The following PLXNB2 variants were observed in gnomAD, a reference collection of about 807,000 sequenced individuals.
The protein encoded by PLXNB2 is plexin B2, also known as plexin-B2.
A neutral mutation model predicts 202.6 loss-of-function variants in PLXNB2; 85 were observed. That is an observed-to-expected ratio of 0.42 (90% CI 0.35 to 0.50). The LOEUF (loss-of-function observed/expected upper bound fraction) is 0.50, where lower values mean the gene tolerates loss of function less well. Ranked by LOEUF, PLXNB2 falls within the 20% of genes least tolerant of loss-of-function variation. PLXNB2 has a pLI of 0.02. For missense variants in PLXNB2, 2,063 were observed against 2,586.2 expected, an observed-to-expected ratio of 0.80 and a Z score of 4.39; for synonymous variants, 1,239 against 1,137.6, an observed-to-expected ratio of 1.09 and a Z score of -1.79.
At chr22:50,306,485 A>G (rs942064760) in intron 1 of PLXNB2, among the ~76,000 whole-genome samples, 3 of 152,148 alleles carry the variant, frequency 2.0e-5, no homozygotes, top group Admixed American at 1.3e-4. Context: ...GCAGGCTGAG[A>G]GCCCCCACTT....
chr22:50,276,053 TC>T (rs1206458196), intron 35 of PLXNB2, 90 bp from the exon 36 acceptor site: 11 of 1,273,758 alleles, frequency 8.6e-6, no homozygotes, highest in Non-Finnish European at 2.3e-6. Flanking sequence ...GGACGAGGCC[TC>T]CCCGGGGAAG....
chr22:50,282,729 G>A lies in PLXNB2; in HGVS notation c.2969C>T (p.Pro990Leu). The part of the protein sequence containing the change: ...RENPVLRAFE[P>L]LRSFASGGRS... Reference sequence around the variant, plus strand: ...GCCTCACCTGGCAAAGCTTCGTAGCGGCTCGAAGGCTCGCAGTACGGGGTT... The same window carrying A: ...GCCTCACCTGGCAAAGCTTCGTAGCAGCTCGAAGGCTCGCAGTACGGGGTT... Residue 990 changes from proline (P) to leucine (L), a missense_variant, in exon 18 of 37, where the codon CCG becomes CTG. Transcript: ENST00000359337. The A allele has an allele frequency of 4.5e-6, 7 of 1,549,568 alleles. No homozygotes were observed. The highest frequency in any genetic ancestry group is 1.2e-5 in the South Asian group (1 of 86,912).
Position 50,276,712 on chromosome 22 carries a change from G to T in PLXNB2, c.5262-8C>A. On this transcript the variant is annotated splice_polypyrimidine_tract_variant and splice_region_variant and intron_variant, in intron 34 of 36. Transcript: ENST00000359337. ...CGGATCCCCTTGTAGTAACTGCAGGGGTGGGAGCATCATACAGTGTGGGCG... is the reference window on the plus strand; with the variant it reads ...CGGATCCCCTTGTAGTAACTGCAGGTGTGGGAGCATCATACAGTGTGGGCG... 1 of 1,613,156 alleles carries T rather than the reference G, an allele frequency of 6.2e-7. No homozygotes were observed. The highest frequency in any genetic ancestry group is 8.5e-7 in the Non-Finnish European group (1 of 1,179,306).
At chr22:50,303,300 C>T (rs1366901827) in intron 1 of PLXNB2, among the ~76,000 whole-genome samples, 1 of 152,216 alleles carries the variant, frequency 6.6e-6, no homozygotes, top group Non-Finnish European at 1.5e-5. Flanking sequence ...GAAACTGCCT[C>T]GGCCTTCAGC....
intron 27 of PLXNB2, 56 bp from the exon 28 acceptor site, chr22:50,279,067 T>C (rs529572673): frequency 2.6e-6 from 4 of 1,512,094 alleles, no homozygotes; most frequent in East Asian, 2.3e-5. Flanking sequence ...ACCTGCACCA[T>C]GCAGGAGCCA....
rs534787648 is a variant in PLXNB2 at position 50,280,551 on chromosome 22, C to T, written c.4113G>A (p.Thr1371=). 144 of 1,612,070 alleles carry T rather than the reference C, an allele frequency of 8.9e-5. 1 individual carries two copies. The South Asian group carries it at 1.4e-3, about 16-fold the overall frequency. ...KLEYYTDIMH[T]LFLELLEQYV... is the part of the protein sequence containing the mutation. Reference sequence around the variant, plus strand: ...ACTGCTCCAGGAGCTCCAGGAAGAGCGTGTGCATGATGTCCGTGTAGTACT... The same window carrying T: ...ACTGCTCCAGGAGCTCCAGGAAGAGTGTGTGCATGATGTCCGTGTAGTACT... The change falls in exon 25 of 37, where the codon ACG becomes ACA. Residue 1371 remains threonine (T), a synonymous_variant. Transcript: ENST00000359337.
At chr22:50,279,587 C>T in intron 27 of PLXNB2, 43 bp downstream of exon 27, 2 of 1,601,414 alleles carry the variant, frequency 1.2e-6, no homozygotes, top group South Asian at 2.2e-5. Flanking sequence ...CTCCTTAGCC[C>T]AGATCCGAGG....
chr22:50,276,762 G>A, intron 34 of PLXNB2, 58 bp from the exon 35 acceptor site: 1 of 1,599,838 alleles, frequency 6.3e-7, no homozygotes, highest in South Asian at 1.1e-5. Context: ...GGGGGTGGTG[G>A]GGGAAACCAA....
intron 35 of PLXNB2, among the ~76,000 whole-genome samples, chr22:50,276,249 G>A (rs914551572): frequency 1.2e-5 from 1 of 83,332 alleles, no homozygotes; most frequent in Non-Finnish European, 2.7e-5. Context: ...GCCGCAGGGA[G>A]GGGGCGCTGT....
chr22:50,294,116 C>T (rs867899966), intron 2 of PLXNB2, among the ~76,000 whole-genome samples: 2 of 152,266 alleles, frequency 1.3e-5, no homozygotes, highest in Admixed American at 1.3e-4. Context: ...GCCAGCTACG[C>T]TTCCTGCTGC....
chr22:50,293,956 G>A (rs966935795), intron 2 of PLXNB2, among the ~76,000 whole-genome samples: 7 of 152,234 alleles, frequency 4.6e-5, no homozygotes, highest in Non-Finnish European at 8.8e-5. Flanking sequence ...GGTGGCAGGC[G>A]CGGCTGGGGT....
Position 50,283,839 on chromosome 22 carries a change from G to A in PLXNB2, c.2415C>T (p.Ile805=), listed in dbSNP as rs2066208413. 1 of 1,610,650 alleles carries A rather than the reference G, an allele frequency of 6.2e-7. No individual in the cohort carries two copies. Among genetic ancestry groups the A allele is most frequent in the East Asian group, 2.2e-5 (1 of 44,776 alleles). The change falls in exon 14 of 37, where the codon ATC becomes ATT. Residue 805 remains isoleucine (I), a synonymous_variant. Transcript: ENST00000359337. ...CAGGCTTCGAGGGGCTCACCCTGGT[G>A]ATGACGGGCGGCGGGCACTCGGAGG... ...NTTSECPPPV[I]TRIQPETGPL...
At chr22:50,305,857 G>A (rs1365044113) in intron 1 of PLXNB2, among the ~76,000 whole-genome samples, 4 of 152,152 alleles carry the variant, frequency 2.6e-5, no homozygotes, top group African/African-American at 4.8e-5. Flanking sequence ...CTGTTCCATG[G>A]TCTCCCCCAG....
rs747486856 is a variant in PLXNB2 at position 50,281,889 on chromosome 22, C to T, written c.3310G>A (p.Val1104Ile). Residue 1104 changes from valine (V) to isoleucine (I), a missense_variant, in exon 20 of 37, where the codon GTC becomes ATC. Val to Ile is a conservative substitution (Grantham distance 29). Transcript: ENST00000359337. The part of the protein sequence containing the change: ...DPTFENFTGG[V>I]KKQVNKLIHA... ...ATGAGCTTGTTGACCTGCTTCTTGACGCCACCTGTGAAGTTCTCAAAGGTG... is the reference window on the plus strand; with the variant it reads ...ATGAGCTTGTTGACCTGCTTCTTGATGCCACCTGTGAAGTTCTCAAAGGTG... 34 of 1,612,888 alleles carry T rather than the reference C, an allele frequency of 2.1e-5. No individual in the cohort carries two copies. In the African/African-American group the frequency reaches 2.9e-4, roughly 14 times the overall value.
rs367987558 is a variant in PLXNB2 at position 50,284,094 on chromosome 22, G to A, written c.2263+38C>T. 6.8e-3 allele frequency: 1,826 copies of A among 268,632 alleles called. 3 individuals carry two copies. Among genetic ancestry groups the A allele is most frequent in the Non-Finnish European group, 0.01 (1,587 of 153,064 alleles). 16.6% of individuals were successfully genotyped at this position (268,632 alleles called of 1,614,324 possible). A position where few individuals can be genotyped will look rare whatever the true frequency, so the allele number is the denominator to read the frequency against. The stretch of plus-strand genomic sequence containing the variant: ...CCCACCCACCGCCTTGTGCCCACCC[G>A]TCCCCTGCCCGCCCCCCACTGCGCC... On this transcript the variant is annotated intron_variant, in intron 13 of 36. Coordinates refer to ENST00000359337, the MANE Select transcript of PLXNB2 (RefSeq NM_012401.4). The surrounding 1 kb of genome is among the most constrained non-coding windows in gnomAD (Gnocchi z 8.0).
chr22:50,296,590 CA>C (rs34197202), intron 1 of PLXNB2, among the ~76,000 whole-genome samples: 14,530 of 56,570 alleles, frequency 0.26, 342 homozygotes, highest in Non-Finnish European at 0.31. Context: ...GACTCTGTCT[CA>C]AAAAAAAAAA....
chr22:50,285,005 C>T (rs2066318487), intron 11 of PLXNB2: 1 of 450,100 alleles, frequency 2.2e-6, no homozygotes, highest in South Asian at 1.8e-5. Flanking sequence ...ACACGCCTGC[C>T]TCCTCCACTG....
rs2066611147 is a variant in PLXNB2, at chr22:50,288,214, G to A, written c.1381-177C>T. Among the ~76,000 whole-genome samples, 2 of 152,142 alleles carry A rather than the reference G, an allele frequency of 1.3e-5. No individual in the cohort carries two copies. The highest frequency in any genetic ancestry group is 1.5e-5 in the Non-Finnish European group (1 of 68,010). On this transcript the variant is annotated intron_variant, in intron 5 of 36. Transcript: ENST00000359337. The surrounding 1 kb of genome is among the most constrained non-coding windows in gnomAD (Gnocchi z 5.0). ...CTCTGGGTGGCCATGCCTGGCCCAG[G>A]ATCCCGATGGGAGCCCAGGGAAGCC...
intron 2 of PLXNB2, 57 bp from the exon 3 acceptor site, chr22:50,290,654 C>A: frequency 6.8e-7 from 1 of 1,466,378 alleles, no homozygotes; most frequent in Non-Finnish European, 9.0e-7. Context: ...CCGATCAAAT[C>A]CCTCTCCAGT....
Sources: gnomAD v4.1 joint callset for allele counts (sites outside exome capture counted in the v4.1 genomes callset) on GRCh38, gnomAD v4.1.1 for gene constraint, Gnocchi (gnomAD v3.1) non-coding constraint, MANE v1.5 for transcripts, NCBI Gene and HGNC (gene_info 2026-07-23, HGNC 2026-07-21) for gene names.